The following IPO8 variants were observed in gnomAD, a reference collection of about 807,000 sequenced individuals.
IPO8 encodes importin 8.
Under a neutral mutation model 141.2 loss-of-function variants are expected in IPO8, and 65 were observed. The observed-to-expected ratio is 0.46, with a 90% confidence interval of 0.38 to 0.57. The LOEUF (loss-of-function observed/expected upper bound fraction) is 0.57. Among genes scored for constraint, IPO8 ranks in the 20% least tolerant of loss-of-function variants. The probability of loss-of-function intolerance (pLI) is 0.00; values close to 1 mark genes in which losing one functional copy is unlikely to be tolerated. For missense variants in IPO8, 980 were observed against 1,246.8 expected (o/e 0.79, Z 3.22); for synonymous variants, 411 against 420.3 (o/e 0.98, Z 0.27).
chr12:30,635,319 A>G (rs2052486934), intron 22 of IPO8, among the ~76,000 whole-genome samples: 1 of 152,102 alleles, frequency 6.6e-6, no homozygotes, highest in Admixed American at 6.6e-5. Flanking sequence ...TGTAAATTTC[A>G]AATGTTCCCA....
chr12:30,649,057 A>G (rs1381418492), intron 20 of IPO8, 80 bp downstream of exon 20: 10 of 904,294 alleles, frequency 1.1e-5, no homozygotes, highest in Non-Finnish European at 1.8e-5. Flanking sequence ...ATTTTTCATC[A>G]TAATATAAAT....
At position 30,631,764 on chromosome 12, in the gene IPO8, C is replaced by T. The variant is rs895438184; in HGVS notation, c.3016+131G>A. 6.3e-6 allele frequency: 4 copies of T among 638,084 alleles called. No individual in the cohort carries two copies. In the African/African-American group the frequency reaches 7.3e-5, roughly 12 times the overall value. The allele number at this position is 638,084 out of a possible 1,614,324, so 39.5% of individuals were successfully genotyped here. ...AAACAATCATACAATAATGACAATT[C>T]CTTATTATCTTAAAGGGTAAGTCTC... On this transcript the variant is annotated intron_variant, in intron 24 of 24. Coordinates refer to ENST00000256079, the MANE Select transcript of IPO8 (RefSeq NM_006390.4).
At chr12:30,654,635 C>A (rs1229188631) in intron 17 of IPO8, among the ~76,000 whole-genome samples, 3 of 151,892 alleles carry the variant, frequency 2.0e-5, no homozygotes, top group African/African-American at 4.8e-5. Flanking sequence ...AATCACTAAT[C>A]ATCAGGGAAA....
intron 10 of IPO8, among the ~76,000 whole-genome samples, chr12:30,667,632 T>G (rs1013053517): frequency 1.3e-5 from 2 of 152,134 alleles, no homozygotes; most frequent in African/African-American, 4.8e-5. Flanking sequence ...TGCATTCCAG[T>G]CTACAGAAGG....
intron 2 of IPO8, among the ~76,000 whole-genome samples, chr12:30,685,240 A>G (rs549706286): frequency 3.9e-5 from 6 of 152,000 alleles, no homozygotes; most frequent in Admixed American, 3.9e-4. Flanking sequence ...CCCGGGTTCA[A>G]ACGATTATCC....
chr12:30,666,458 T>C (rs7979718), intron 10 of IPO8, among the ~76,000 whole-genome samples: 31,894 of 152,026 alleles, frequency 0.21, 3,540 homozygotes, highest in East Asian at 0.3. Flanking sequence ...ACTCTACAGG[T>C]TGTCCTTTCA....
chr12:30,674,723 G>A lies in IPO8; in HGVS notation c.760C>T (p.Pro254Ser), dbSNP rs754960772. Residue 254 changes from proline (P) to serine (S), a missense_variant, in exon 7 of 25, where the codon CCA becomes TCA. Around this residue, in one of 3 missense-constraint regions of IPO8, gnomAD observed 924 missense variants for 1,153.9 expected, o/e 0.80. Coordinates refer to ENST00000256079, the MANE Select transcript of IPO8 (RefSeq NM_006390.4). ...TTACACTTCCACCATACCAGTTCTG[G>A]TCTATCATCCTCATCAATGTGCAGA... ...ETLHIDEDDRPELVWWKCKKW... is the reference protein window; with the variant it reads ...ETLHIDEDDRSELVWWKCKKW... 3.1e-6 allele frequency: 5 copies of A among 1,613,340 alleles called. No homozygotes were observed. Among genetic ancestry groups the A allele is most frequent in the Non-Finnish European group, 4.2e-6 (5 of 1,179,546 alleles).
At chr12:30,641,637 TTTAA>T (rs2052576712) in intron 20 of IPO8, among the ~76,000 whole-genome samples, 1 of 152,024 alleles carries the variant, frequency 6.6e-6, no homozygotes, top group South Asian at 2.1e-4. Flanking sequence ...AACTTTAAAA[TTTAA>T]TTATTTGACT....
rs558455647 is a variant in IPO8, at chr12:30,663,645, C to A, written c.1438G>T (p.Val480Leu). The A allele has an allele frequency of 2.5e-6, 4 of 1,605,076 alleles. No individual in the cohort carries two copies. The African/African-American group carries it at 5.3e-5, about 21-fold the overall frequency. ...TTCAAAGAACTAAATGCATGAAGTACCCAGCAAGACTGTATTATTAAAAAA... is the reference window on the plus strand; with the variant it reads ...TTCAAAGAACTAAATGCATGAAGTAACCAGCAAGACTGTATTATTAAAAAA... ...LGYLRARSCWVLHAFSSLKFH... is the reference protein window; with the variant it reads ...LGYLRARSCWLLHAFSSLKFH... Residue 480 changes from valine to leucine, a missense_variant, in exon 14 of 25, where the codon GTA becomes TTA. Physicochemically the swap from Val to Leu is conservative, Grantham distance 32. Transcript: ENST00000256079.
chr12:30,640,489 G>T (rs1038541091), intron 20 of IPO8, among the ~76,000 whole-genome samples: 1 of 152,008 alleles, frequency 6.6e-6, no homozygotes, highest in South Asian at 2.1e-4. Context: ...GTCTGGTTTA[G>T]GATAACATAT....
At position 30,636,998 on chromosome 12, in the gene IPO8, A is replaced by G; in HGVS notation, c.2679T>C (p.Ala893=). The G allele has an allele frequency of 1.2e-6, 2 of 1,613,856 alleles. No individual in the cohort carries two copies. Among genetic ancestry groups the G allele is most frequent in the Non-Finnish European group, 8.5e-7 (1 of 1,179,730 alleles). ...NREDRSKAEK[A]DMEENEEISS... Reference sequence around the variant, plus strand: ...AGACTTTACCATTTTCTTCCATATCAGCTTTCTCTGCTTTTGAACGATCTT... The same window carrying G: ...AGACTTTACCATTTTCTTCCATATCGGCTTTCTCTGCTTTTGAACGATCTT... Residue 893 remains alanine, a synonymous_variant, in exon 22 of 25, where the codon GCT becomes GCC. Transcript: ENST00000256079.
chr12:30,676,929 C>G, intron 5 of IPO8: 4 of 1,532,536 alleles, frequency 2.6e-6, no homozygotes, highest in Non-Finnish European at 3.5e-6. Context: ...TTTTAACCAC[C>G]TTGATGAAAA....
intron 16 of IPO8, among the ~76,000 whole-genome samples, chr12:30,658,974 G>A (rs1006961342): frequency 4.2e-5 from 6 of 142,102 alleles, no homozygotes; most frequent in East Asian, 2.3e-4. Flanking sequence ...TCCGCCTCCC[G>A]GGTTCATGCC....
At chr12:30,641,365 GAGAAGA>G (rs917047857) in intron 20 of IPO8, among the ~76,000 whole-genome samples, 4 of 152,052 alleles carry the variant, frequency 2.6e-5, no homozygotes, top group African/African-American at 9.7e-5. Context: ...GGAAGAAATG[GAGAAGA>G]AGAAGAAGGG....
chr12:30,679,206 T>G (rs1264280768), intron 5 of IPO8, among the ~76,000 whole-genome samples: 1 of 152,180 alleles, frequency 6.6e-6, no homozygotes, highest in Non-Finnish European at 1.5e-5. Flanking sequence ...ATGTCAGCAT[T>G]GTAATAGTGG....
intron 16 of IPO8, among the ~76,000 whole-genome samples, chr12:30,659,951 G>A (rs2052861805): frequency 6.6e-6 from 1 of 151,958 alleles, no homozygotes; most frequent in Non-Finnish European, 1.5e-5. Context: ...AGCCAGGCAT[G>A]GCGGCTCATG....
chr12:30,661,388 G>A, intron 15 of IPO8, 122 bp from the exon 16 acceptor site: 1 of 749,526 alleles, frequency 1.3e-6, no homozygotes, highest in Non-Finnish European at 2.0e-6. Context: ...TTTGAAGTCT[G>A]CACTTTGCTG....
chr12:30,645,426 G>A (rs1485257663), intron 20 of IPO8, among the ~76,000 whole-genome samples: 1 of 148,054 alleles, frequency 6.8e-6, no homozygotes, highest in Non-Finnish European at 1.5e-5. Flanking sequence ...GTGGACTTAA[G>A]AAGTGTAAGC....
chr12:30,646,510 A>G (rs2052648378), intron 20 of IPO8, among the ~76,000 whole-genome samples: 1 of 152,220 alleles, frequency 6.6e-6, no homozygotes, highest in Admixed American at 6.5e-5. Context: ...GCAATTAGTC[A>G]AGAAAAATAA....
Sources: gnomAD v4.1 joint callset for allele counts (sites outside exome capture counted in the v4.1 genomes callset) on GRCh38, gnomAD v4.1.1 for gene constraint, gnomAD v4.1.1 regional missense constraint, MANE v1.5 for transcripts, NCBI Gene and HGNC (gene_info 2026-07-23, HGNC 2026-07-21) for gene names.